SAMD4A: variants seen among roughly 807,000 people sequenced by gnomAD.
SAMD4A encodes sterile alpha motif domain containing 4A.
In SAMD4A, 33 loss-of-function variants were observed where a neutral mutation model predicts 81.3. The observed-to-expected ratio is 0.41, with a 90% CI of 0.31 to 0.54. The LOEUF (loss-of-function observed/expected upper bound fraction) is 0.54. Ranked by LOEUF, SAMD4A falls within the 20% of genes least tolerant of loss-of-function variation. SAMD4A has a pLI of 0.37. For synonymous variants in SAMD4A, 389 were observed against 382.1 expected (o/e 1.02, Z -0.21); for missense variants, 854 against 951.1 (o/e 0.90, Z 1.34).
intron 2 of SAMD4A, among the ~76,000 whole-genome samples, chr14:54,657,534 T>C (rs1415167398): frequency 6.6e-6 from 1 of 152,238 alleles, no homozygotes; most frequent in Non-Finnish European, 1.5e-5. Context: ...GGTAGTAGGC[T>C]AGAAGCACTG....
intron 12 of SAMD4A, among the ~76,000 whole-genome samples, chr14:54,786,459 A>G (rs1309461818): frequency 6.6e-6 from 1 of 152,240 alleles, no homozygotes; most frequent in Non-Finnish European, 1.5e-5. Flanking sequence ...CAAATATTTC[A>G]ATTAAAAGTA....
At chr14:54,694,873 A>G in intron 2 of SAMD4A, 3 of 985,562 alleles carry the variant, frequency 3.0e-6, no homozygotes, top group Non-Finnish European at 3.6e-6. Context: ...GGAAAAAGTA[A>G]CTACAGATGG....
intron 2 of SAMD4A, among the ~76,000 whole-genome samples, chr14:54,686,869 ACTTATGTCATTTTGAGAAAC>A (rs2036285124): frequency 6.6e-6 from 1 of 152,186 alleles, no homozygotes; most frequent in Non-Finnish European, 1.5e-5. Context: ...GTTGAAATGT[ACTTATGTCATTTTGAGAAAC>A]CAAGTCACCT....
intron 3 of SAMD4A, among the ~76,000 whole-genome samples, chr14:54,705,279 G>A (rs1052301049): frequency 2.6e-5 from 4 of 152,118 alleles, no homozygotes; most frequent in Non-Finnish European, 5.9e-5. Context: ...GTTCTGATGG[G>A]CGCCTGACAT....
chr14:54,688,332 C>G (rs1026484155), intron 2 of SAMD4A: 27 of 985,394 alleles, frequency 2.7e-5, no homozygotes, highest in Non-Finnish European at 3.1e-5. Context: ...CCAGGCTTCT[C>G]TGGGCTTCTG....
chr14:54,600,679 T>C (rs1038927230), intron 2 of SAMD4A, among the ~76,000 whole-genome samples: 1 of 152,218 alleles, frequency 6.6e-6, no homozygotes. Context: ...ATGAGTCTTG[T>C]TGGTAGGATC....
chr14:54,651,842 C>T (rs1288217561), intron 2 of SAMD4A, among the ~76,000 whole-genome samples: 1 of 152,180 alleles, frequency 6.6e-6, no homozygotes, highest in East Asian at 1.9e-4. Context: ...ATCATAGACT[C>T]CTTGGCCATG....
At position 54,760,370 on chromosome 14, in the gene SAMD4A, C is replaced by A; in HGVS notation, c.1386C>A (p.Thr462=). 2.6e-6 allele frequency: 4 copies of A among 1,558,620 alleles called. No individual in the cohort carries two copies. The highest frequency in any genetic ancestry group is 3.4e-6 in the Non-Finnish European group (4 of 1,161,246). The change falls in exon 7 of 13, where the codon ACC becomes ACA. Residue 462 remains threonine (T), a synonymous_variant. Coordinates refer to ENST00000554335, the MANE Select transcript of SAMD4A (RefSeq NM_015589.6). ...DGAAATGATA[T]PSAGASGGLQ... is the part of the protein sequence containing the mutation. ...CCGCAGCCACTGGCGCCACGGCCAC[C>A]CCCTCGGCCGGGGCCAGCGGGGGGC...
At chr14:54,764,787 C>T (rs1434048976) in intron 8 of SAMD4A, among the ~76,000 whole-genome samples, 1 of 152,220 alleles carries the variant, frequency 6.6e-6, no homozygotes, top group Non-Finnish European at 1.5e-5. Context: ...CCTGCAACGA[C>T]TTCTGGCTGG....
rs767695949 is a variant in SAMD4A, at chr14:54,775,055, C to A, written c.1837C>A (p.Leu613Ile). ...SRNVPSARLG[L>I]LGTSGFVSSN... ...GAACGTCCCTTCCGCCCGCCTGGGC[C>A]TCTTGGGCACCAGTGGATTCGTCAG... is the stretch of plus-strand genomic sequence containing the variant. Residue 613 changes from leucine to isoleucine, a missense_variant, in exon 10 of 13, where the codon CTC becomes ATC. By Grantham distance (5) the Leu-to-Ile change is conservative. Coordinates refer to ENST00000554335, the MANE Select transcript of SAMD4A (RefSeq NM_015589.6). The A allele has an allele frequency of 3.7e-5, 60 of 1,614,060 alleles. No homozygotes were observed. The highest frequency in any genetic ancestry group is 4.8e-5 in the Non-Finnish European group (57 of 1,180,054).
At chr14:54,761,422 C>T (rs147132728) in intron 7 of SAMD4A, among the ~76,000 whole-genome samples, 2 of 152,324 alleles carry the variant, frequency 1.3e-5, no homozygotes, top group Non-Finnish European at 2.9e-5. Flanking sequence ...TAAAGAGTCA[C>T]GTGTCATCTG....
intron 4 of SAMD4A, among the ~76,000 whole-genome samples, chr14:54,742,592 A>G (rs1044128587): frequency 2.0e-5 from 3 of 152,208 alleles, no homozygotes; most frequent in African/African-American, 7.2e-5. Context: ...CTAGGAAGCA[A>G]GGAGCTCTAT....
chr14:54,733,952 TG>T (rs1371978858), intron 3 of SAMD4A, among the ~76,000 whole-genome samples: 4 of 152,230 alleles, frequency 2.6e-5, no homozygotes, highest in African/African-American at 7.2e-5. Flanking sequence ...ACTCTGCCAC[TG>T]GCCCCCTCGT....
At chr14:54,686,210 G>A (rs1419397439) in intron 2 of SAMD4A, among the ~76,000 whole-genome samples, 1 of 152,184 alleles carries the variant, frequency 6.6e-6, no homozygotes, top group Non-Finnish European at 1.5e-5. Flanking sequence ...GATGGGGAGT[G>A]CTGGGTTGGG....
chr14:54,568,046 T>C lies in SAMD4A; in HGVS notation c.130T>C (p.Cys44Arg), dbSNP rs2032992338. The C allele has an allele frequency of 6.3e-7, 1 of 1,598,860 alleles. No homozygotes were observed. The highest frequency in any genetic ancestry group is 8.5e-7 in the Non-Finnish European group (1 of 1,177,668). ...SQTQARFLQL[C>R]LEHSLADCAE... The stretch of plus-strand genomic sequence containing the variant: ...GACCCAGGCCCGCTTCCTCCAGCTC[T>C]GCCTGGAGCACTCGCTGGCCGACTG... Residue 44 changes from cysteine (C) to arginine (R), a missense_variant, in exon 2 of 13, where the codon TGC becomes CGC. Physicochemically the swap from Cys to Arg is radical, Grantham distance 180. Transcript: ENST00000554335.
At chr14:54,690,969 A>G (rs1185889996) in intron 2 of SAMD4A, among the ~76,000 whole-genome samples, 2 of 152,074 alleles carry the variant, frequency 1.3e-5, no homozygotes, top group Admixed American at 6.5e-5. Flanking sequence ...CATAGAGTTT[A>G]GAAGGTTTGT....
chr14:54,694,831 G>A (rs2036537751), intron 2 of SAMD4A: 1 of 985,430 alleles, frequency 1.0e-6, no homozygotes, highest in Non-Finnish European at 1.2e-6. Flanking sequence ...TAAAGGAGCA[G>A]TCCTGGAGCA....
At position 54,776,540 on chromosome 14, in the gene SAMD4A, G is replaced by A. The variant is rs368825776; in HGVS notation, c.2044G>A (p.Glu682Lys). The A allele has an allele frequency of 3.2e-6, 5 of 1,559,668 alleles. No homozygotes were observed. Among genetic ancestry groups the A allele is most frequent in the African/African-American group, 2.8e-5 (2 of 71,800 alleles). The stretch of plus-strand genomic sequence containing the variant: ...GAACATGCTGATGTTCCAGCAGCCA[G>A]GTAGGGCCCGGCGCTTCATGTCCCC... ...PQNMLMFQQP[E>K]FQLPVTEPDI... The change falls in exon 11 of 13, where the codon GAA becomes AAA. Residue 682 changes from glutamate (E) to lysine (K), a missense_variant and splice_region_variant. This residue lies in a region of SAMD4A where 428 missense variants were observed against 471.2 expected (regional missense o/e 0.91). Transcript: ENST00000554335.
chr14:54,695,242 G>A (rs2036546497), intron 2 of SAMD4A, among the ~76,000 whole-genome samples: 1 of 152,150 alleles, frequency 6.6e-6, no homozygotes, highest in African/African-American at 2.4e-5. Flanking sequence ...GTTTTCTGAG[G>A]GTCAGCAATT....
Sources: allele counts gnomAD v4.1 joint callset (sites outside exome capture counted in the v4.1 genomes callset), GRCh38; gene constraint gnomAD v4.1.1; regional missense constraint gnomAD v4.1.1; transcripts MANE v1.5; gene names NCBI Gene and HGNC (gene_info 2026-07-23, HGNC 2026-07-21).